The following ECE1 variants were observed in gnomAD, a reference collection of about 807,000 sequenced individuals.
ECE1 encodes endothelin-converting enzyme 1.
Under a neutral mutation model 98.6 loss-of-function variants are expected in ECE1, and 35 were observed. The ratio of observed to expected loss-of-function variants is 0.35; its 90% CI spans 0.27 to 0.47. The LOEUF (loss-of-function observed/expected upper bound fraction) is 0.47. ECE1 is among the 20% of genes least tolerant of loss of function. The pLI, the probability that ECE1 is intolerant of heterozygous loss-of-function variation, is 1.00. For missense variants in ECE1, 814 were observed against 1,025.3 expected, an observed-to-expected ratio of 0.79 and a Z score of 2.81; for synonymous variants, 394 against 407.1, an observed-to-expected ratio of 0.97 and a Z score of 0.39.
Position 21,290,347 on chromosome 1 carries a change from G to A in ECE1, c.51+17C>T, listed in dbSNP as rs1569674384. On this transcript the variant is annotated intron_variant, in intron 1 of 18. Coordinates refer to ENST00000374893, the MANE Select transcript of ECE1 (RefSeq NM_001397.3). The surrounding 1 kb of genome is among the most constrained non-coding windows in gnomAD (Gnocchi z 7.3). ...GCCCGCCTCCCGCCCCCGCCCTCCA[G>A]GCCGCGCCCGCCTCACCCCCAGCGC... 1.7e-6 allele frequency: 2 copies of A among 1,193,780 alleles called. No individual in the cohort carries two copies. The highest frequency in any genetic ancestry group is 1.0e-6 in the Non-Finnish European group (1 of 967,616). 73.9% of individuals were successfully genotyped at this position (1,193,780 alleles called of 1,614,324 possible). A position where few individuals can be genotyped will look rare whatever the true frequency, so the allele number is the denominator to read the frequency against.
intron 1 of ECE1, among the ~76,000 whole-genome samples, chr1:21,330,802 C>T (rs1639185316): frequency 6.6e-6 from 1 of 152,184 alleles, no homozygotes. Flanking sequence ...CCTTGAAGGT[C>T]CCTATCCGCT....
At chr1:21,259,650 T>C (rs1410626265) in intron 5 of ECE1, among the ~76,000 whole-genome samples, 2 of 152,156 alleles carry the variant, frequency 1.3e-5, no homozygotes, top group Non-Finnish European at 2.9e-5. Context: ...TGCAATGCTT[T>C]CCTGGAGCCA....
chr1:21,327,303 C>T lies in ECE1; in HGVS notation c.3+18073G>A, dbSNP rs1254344512. Among the ~76,000 whole-genome samples, 5 of 152,204 alleles carry T rather than the reference C, an allele frequency of 3.3e-5. No homozygotes were observed. The highest frequency in any genetic ancestry group is 9.6e-5 in the African/African-American group (4 of 41,460). Reference sequence around the variant, plus strand: ...CTCTAACGCTTGGACTGTGTGACTCCGGTGGCTCATGCAACCTTTCTGGGC... The same window carrying T: ...CTCTAACGCTTGGACTGTGTGACTCTGGTGGCTCATGCAACCTTTCTGGGC... On this transcript the variant is annotated intron_variant, in intron 1 of 18. Coordinates refer to the ECE1 transcript ENST00000415912. This position sits in a 1 kb window ranked among gnomAD's most constrained non-coding sequence, Gnocchi z 4.6.
intron 2 of ECE1, among the ~76,000 whole-genome samples, chr1:21,282,937 ATTTTT>A (rs536420247): frequency 2.9e-5 from 3 of 104,490 alleles, no homozygotes; most frequent in Admixed American, 1.1e-4. Flanking sequence ...TCACAACATT[ATTTTT>A]TTTTTTTTTT....
intron 4 of ECE1, among the ~76,000 whole-genome samples, chr1:21,265,545 C>G (rs903749806): frequency 1.2e-4 from 18 of 152,210 alleles, no homozygotes; most frequent in African/African-American, 4.3e-4. Flanking sequence ...CAAAACAAAA[C>G]AAAGTGAAAT....
chr1:21,250,332 C>G (rs1045630745), intron 8 of ECE1, among the ~76,000 whole-genome samples: 1 of 152,160 alleles, frequency 6.6e-6, no homozygotes, highest in African/African-American at 2.4e-5. Context: ...ACACGTACTG[C>G]TATTTTTAGT....
chr1:21,302,266 G>A (rs1451302017), intron 1 of ECE1, among the ~76,000 whole-genome samples: 3 of 152,138 alleles, frequency 2.0e-5, no homozygotes, highest in Non-Finnish European at 4.4e-5. Context: ...CCCCTCTTCT[G>A]GCCCAGGCCC....
intron 3 of ECE1, among the ~76,000 whole-genome samples, chr1:21,274,002 G>T (rs1272578828): frequency 6.6e-6 from 1 of 152,184 alleles, no homozygotes; most frequent in African/African-American, 2.4e-5. Flanking sequence ...AGAATCACAG[G>T]CCCAGCCCCA....
intron 1 of ECE1, among the ~76,000 whole-genome samples, chr1:21,302,136 G>A (rs1379105898): frequency 6.6e-6 from 1 of 152,206 alleles, no homozygotes; most frequent in African/African-American, 2.4e-5. Flanking sequence ...CGGGTATTAG[G>A]TCTTAGTCAG....
At chr1:21,313,032 G>C (rs1035356990) in intron 1 of ECE1, among the ~76,000 whole-genome samples, 2 of 151,536 alleles carry the variant, frequency 1.3e-5, no homozygotes, top group Non-Finnish European at 2.9e-5. Flanking sequence ...GGATCACACA[G>C]CCAGAAAGTG....
chr1:21,292,033 G>A (rs1315085276), upstream of ECE1, among the ~76,000 whole-genome samples: 1 of 151,606 alleles, frequency 6.6e-6, no homozygotes, highest in African/African-American at 2.4e-5. Flanking sequence ...GTATGCGCCT[G>A]TAGTCCCAGC....
chr1:21,235,822 G>A lies in ECE1; in HGVS notation c.1566+28C>T, dbSNP rs1232000556. On this transcript the variant is annotated intron_variant, in intron 13 of 18. Transcript: ENST00000374893. The surrounding 1 kb of genome is among the most constrained non-coding windows in gnomAD (Gnocchi z 4.2). ...CTTTTCTAAGGGGGCATTTAGGAACGCAAGGGGGCAGGGCAGCAGCTACTC... is the reference window on the plus strand; with the variant it reads ...CTTTTCTAAGGGGGCATTTAGGAACACAAGGGGGCAGGGCAGCAGCTACTC... 1.4e-5 allele frequency: 23 copies of A among 1,612,054 alleles called. No individual in the cohort carries two copies. The highest frequency in any genetic ancestry group is 1.1e-4 in the South Asian group (10 of 91,064).
rs752053288 is a variant in ECE1 at position 21,221,758 on chromosome 1, C to T, written c.2125G>A (p.Gly709Ser). Residue 709 changes from glycine (G) to serine (S), a missense_variant, in exon 18 of 19, where the codon GGC becomes AGC. Physicochemically the swap from Gly to Ser is moderately conservative, Grantham distance 56. Transcript: ENST00000374893. ...GLTNNQLFFL[G>S]FAQVWCSVRT... ...CCTAATGGACTCACCTGTGCAAAGCCCAGGAAGAAGAGCTGGTTATTGGTG... is the reference window on the plus strand; with the variant it reads ...CCTAATGGACTCACCTGTGCAAAGCTCAGGAAGAAGAGCTGGTTATTGGTG... The T allele has an allele frequency of 1.2e-6, 2 of 1,614,006 alleles. No homozygotes were observed. The highest frequency in any genetic ancestry group is 2.7e-5 in the African/African-American group (2 of 74,920).
intron 1 of ECE1, among the ~76,000 whole-genome samples, chr1:21,338,562 C>T (rs959181094): frequency 3.7e-4 from 57 of 152,176 alleles, no homozygotes; most frequent in African/African-American, 1.3e-3. Context: ...CGAGTCTATC[C>T]TCTGAATGAG....
intron 1 of ECE1, among the ~76,000 whole-genome samples, chr1:21,332,136 T>C (rs534400297): frequency 1.1e-4 from 17 of 152,250 alleles, no homozygotes; most frequent in African/African-American, 4.1e-4. Flanking sequence ...TTGTGGGAAA[T>C]ATCTGCCAGA....
At chr1:21,221,998 T>G in intron 17 of ECE1, 156 bp from the exon 18 acceptor site, 1 of 728,092 alleles carries the variant, frequency 1.4e-6, no homozygotes, top group Admixed American at 2.0e-5. Context: ...CTCTTCTTGA[T>G]GTGCACTCGT....
chr1:21,342,523 CG>C (rs1558441226), intron 1 of ECE1, among the ~76,000 whole-genome samples: 1 of 151,900 alleles, frequency 6.6e-6, no homozygotes, highest in African/African-American at 2.4e-5. Context: ...GGGTTAGAGA[CG>C]TGGGTGGGGA....
At chr1:21,222,140 A>C in intron 17 of ECE1, 8 of 445,396 alleles carry the variant, frequency 1.8e-5, no homozygotes, top group East Asian at 4.5e-5. Context: ...CAAACTTAAC[A>C]TGGTATAAAC....
chr1:21,341,328 T>A (rs1357322495), intron 1 of ECE1, among the ~76,000 whole-genome samples: 2 of 152,226 alleles, frequency 1.3e-5, no homozygotes, highest in Non-Finnish European at 2.9e-5. Flanking sequence ...AGTGAGTGAA[T>A]GAACAAATGA....
Sources: gnomAD v4.1 joint callset for allele counts (sites outside exome capture counted in the v4.1 genomes callset) on GRCh38, gnomAD v4.1.1 for gene constraint, Gnocchi (gnomAD v3.1) non-coding constraint, MANE v1.5 for transcripts, NCBI Gene and HGNC (gene_info 2026-07-23, HGNC 2026-07-21) for gene names.